The following PAPSS1 variants were observed in gnomAD, a reference collection of about 807,000 sequenced individuals.
PAPSS1 encodes the protein 3'-phosphoadenosine 5'-phosphosulfate synthase 1, also known as bifunctional 3'-phosphoadenosine 5'-phosphosulfate synthase 1.
A neutral mutation model predicts 72.0 loss-of-function variants in PAPSS1; 50 were observed. The ratio of observed to expected loss-of-function variants is 0.69; its 90% CI spans 0.55 to 0.88. The LOEUF (loss-of-function observed/expected upper bound fraction) is 0.88, where lower values mean the gene tolerates loss of function less well. Ranked by LOEUF, PAPSS1 falls within the 40% of genes least tolerant of loss-of-function variation. PAPSS1 has a pLI of 0.00. For missense variants in PAPSS1, 657 were observed against 782.2 expected, an observed-to-expected ratio of 0.84 and a Z score of 1.91; for synonymous variants, 261 against 263.6, an observed-to-expected ratio of 0.99 and a Z score of 0.09.
chr4:107,677,315 T>C (rs78738309), intron 5 of PAPSS1, among the ~76,000 whole-genome samples: 92,168 of 151,894 alleles, frequency 0.61, 28,592 homozygotes, highest in East Asian at 0.89. Context: ...CCAGAATCTA[T>C]AAAGAACTCA....
intron 11 of PAPSS1, among the ~76,000 whole-genome samples, chr4:107,629,666 A>G (rs1463245157): frequency 1.3e-5 from 2 of 152,174 alleles, no homozygotes; most frequent in African/African-American, 4.8e-5. Flanking sequence ...CAACCAAGCA[A>G]TGACTACTAA....
intron 3 of PAPSS1, among the ~76,000 whole-genome samples, chr4:107,692,673 G>A (rs1051006426): frequency 1.3e-5 from 2 of 151,946 alleles, no homozygotes; most frequent in Non-Finnish European, 2.9e-5. Context: ...CTATTACAAA[G>A]ATACATGCAT....
chr4:107,685,054 C>T (rs922532230), intron 4 of PAPSS1, among the ~76,000 whole-genome samples: 31 of 152,080 alleles, frequency 2.0e-4, no homozygotes, highest in African/African-American at 7.2e-4. Context: ...TACAGGCGCC[C>T]GCCACCATGC....
chr4:107,655,697 G>A (rs370861273), intron 7 of PAPSS1, among the ~76,000 whole-genome samples: 1 of 152,260 alleles, frequency 6.6e-6, no homozygotes, highest in East Asian at 1.9e-4. Flanking sequence ...AGATGTCAAC[G>A]AGAGTAATGA....
In PAPSS1 at chr4:107,632,941, C is replaced by A. The variant is rs574772090; in HGVS notation, c.1507-1081G>T. On this transcript the variant is annotated intron_variant, in intron 10 of 11. Coordinates refer to ENST00000265174, the MANE Select transcript of PAPSS1 (RefSeq NM_005443.5). ...CTCTCTCCTGGTAATCTCCTGCATA[C>A]CAGGTACTTATCTATTTACCAACAT... Among the ~76,000 whole-genome samples, 4 of 152,274 alleles carry A rather than the reference C, an allele frequency of 2.6e-5. No homozygotes were observed. In the South Asian group the frequency reaches 8.3e-4, roughly 32 times the overall value.
intron 4 of PAPSS1, among the ~76,000 whole-genome samples, chr4:107,686,090 A>G (rs1342519815): frequency 6.6e-6 from 1 of 152,264 alleles, no homozygotes; most frequent in Admixed American, 6.5e-5. Flanking sequence ...GATAAATAGT[A>G]TGATTAATAT....
intron 5 of PAPSS1, among the ~76,000 whole-genome samples, chr4:107,662,974 T>C (rs1241260409): frequency 6.6e-6 from 1 of 152,236 alleles, no homozygotes; most frequent in African/African-American, 2.4e-5. Context: ...GCTTCTTCGA[T>C]ATGTAAAGCC....
At chr4:107,669,325 A>T (rs2110328704) in intron 5 of PAPSS1, among the ~76,000 whole-genome samples, 1 of 152,356 alleles carries the variant, frequency 6.6e-6, no homozygotes, top group African/African-American at 2.4e-5. Context: ...ACTTAGTGAG[A>T]AAAACAACCA....
intron 11 of PAPSS1, among the ~76,000 whole-genome samples, chr4:107,623,601 C>A (rs1165550732): frequency 6.6e-6 from 1 of 152,182 alleles, no homozygotes; most frequent in Admixed American, 6.5e-5. Context: ...TCACAGTCTC[C>A]TAGAACAGGA....
chr4:107,655,948 G>A (rs992734652), intron 7 of PAPSS1, among the ~76,000 whole-genome samples: 1 of 152,128 alleles, frequency 6.6e-6, no homozygotes, highest in Non-Finnish European at 1.5e-5. Flanking sequence ...TCACCACCCA[G>A]TTAAAATAAG....
intron 2 of PAPSS1, among the ~76,000 whole-genome samples, chr4:107,695,385 T>C (rs180895572): frequency 2.0e-4 from 30 of 152,326 alleles, no homozygotes; most frequent in Admixed American, 1.9e-3. Flanking sequence ...TTAAGGAGTT[T>C]TGGGGCTGAG....
intron 9 of PAPSS1, 47 bp from the exon 10 acceptor site, chr4:107,645,117 T>A: frequency 2.9e-6 from 4 of 1,384,300 alleles, no homozygotes; most frequent in Non-Finnish European, 3.8e-6. Flanking sequence ...TTCTAACAGA[T>A]TACTTTCCAA....
chr4:107,644,898 C>T lies in PAPSS1; in HGVS notation c.1410G>A (p.Lys470=), dbSNP rs1470117623. ...CTTCCTCCAACACTGCAGCATGCTG[C>T]TTCATACGCCACATCAAAGGAACAT... ...DDDVPLMWRM[K]QHAAVLEEGV... is the part of the protein sequence containing the mutation. Residue 470 remains lysine (K), a synonymous_variant, in exon 10 of 12, where the codon AAG becomes AAA. Coordinates refer to ENST00000265174, the MANE Select transcript of PAPSS1 (RefSeq NM_005443.5). 3 of 1,613,930 alleles carry T rather than the reference C, an allele frequency of 1.9e-6. No individual in the cohort carries two copies. Among genetic ancestry groups the T allele is most frequent in the African/African-American group, 1.3e-5 (1 of 74,910 alleles).
chr4:107,634,797 A>ATTTC (rs1553918633), intron 10 of PAPSS1, among the ~76,000 whole-genome samples: 28 of 116,010 alleles, frequency 2.4e-4, no homozygotes, highest in Non-Finnish European at 4.4e-4. Flanking sequence ...TATTCTAGAC[A>ATTTC]TTTTTTTTTT....
chr4:107,628,672 C>G (rs949899589), intron 11 of PAPSS1, among the ~76,000 whole-genome samples: 1 of 152,150 alleles, frequency 6.6e-6, no homozygotes, highest in Non-Finnish European at 1.5e-5. Context: ...ACTAAAAGAG[C>G]AGGTATACTA....
chr4:107,696,449 CA>C (rs2125934721), intron 2 of PAPSS1, among the ~76,000 whole-genome samples: 1 of 152,262 alleles, frequency 6.6e-6, no homozygotes, highest in South Asian at 2.1e-4. Context: ...TGGAAGCCAT[CA>C]TCCTCGGCAA....
chr4:107,701,269 G>A lies in PAPSS1; in HGVS notation c.77C>T (p.Thr26Ile). 6.2e-7 allele frequency: 1 copy of A among 1,611,768 alleles called. No homozygotes were observed. Among genetic ancestry groups the A allele is most frequent in the Non-Finnish European group, 8.5e-7 (1 of 1,178,780 alleles). ...ATGATGGGCTTGGTAGGTGACATTG[G>A]TTGCTCTCTGCATTCCCTAGAAAAA... ...NAQNWGMQRA[T>I]NVTYQAHHVS... Residue 26 changes from threonine (T) to isoleucine (I), a missense_variant, in exon 2 of 12, where the codon ACC becomes ATC. This residue lies in a region of PAPSS1 where 48 missense variants were observed against 31.9 expected (regional missense o/e 1.51). Transcript: ENST00000265174.
chr4:107,711,342 C>G (rs528587704), intron 1 of PAPSS1, among the ~76,000 whole-genome samples: 2 of 152,324 alleles, frequency 1.3e-5, no homozygotes, highest in African/African-American at 4.8e-5. Context: ...AAACTTCCAT[C>G]CTCATCAATG....
At chr4:107,644,268 A>G (rs749278039) in intron 10 of PAPSS1, among the ~76,000 whole-genome samples, 33 of 152,218 alleles carry the variant, frequency 2.2e-4, no homozygotes, top group Admixed American at 7.9e-4. Context: ...CCCCTAAGGC[A>G]GTCATAAAAC....
Sources: allele counts gnomAD v4.1 joint callset (sites outside exome capture counted in the v4.1 genomes callset), GRCh38; gene constraint gnomAD v4.1.1; regional missense constraint gnomAD v4.1.1; transcripts MANE v1.5; gene names NCBI Gene and HGNC (gene_info 2026-07-23, HGNC 2026-07-21).